ASNS: variants seen among roughly 807,000 people sequenced by gnomAD.
ASNS encodes asparagine synthetase (glutamine-hydrolyzing), also known as asparagine synthetase [glutamine-hydrolyzing].
A neutral mutation model predicts 62.6 loss-of-function variants in ASNS; 37 were observed. The ratio of observed to expected loss-of-function variants is 0.59; its 90% CI spans 0.45 to 0.78. The LOEUF (loss-of-function observed/expected upper bound fraction) is 0.78. Among genes scored for constraint, ASNS ranks in the 30% least tolerant of loss-of-function variants. ASNS has a pLI of 0.00. For synonymous variants in ASNS, 207 were observed against 237.9 expected (o/e 0.87, Z 1.19); for missense variants, 520 against 682.4 (o/e 0.76, Z 2.65).
chr7:97,884,136 G>T, the ASNS span, among the ~76,000 whole-genome samples: 1 of 152,280 alleles, frequency 6.6e-6, no homozygotes, highest in South Asian at 2.1e-4. Flanking sequence ...GACCACTCGT[G>T]TGAAGTTTCC....
In ASNS at chr7:97,853,353, T is replaced by C. The variant is rs368289673; in HGVS notation, c.1272A>G (p.Arg424=). The C allele has an allele frequency of 1.9e-5, 31 of 1,612,880 alleles. No individual in the cohort carries two copies. Among genetic ancestry groups the C allele is most frequent in the Non-Finnish European group, 2.5e-5 (30 of 1,179,914 alleles). ...LELRVPFLDH[R]FSSYYLSLPP... ...GCAGAGACAAGTAATAGGAAGAAAATCGATGATCTAGAAATGGGACTCTCA... is the reference window on the plus strand; with the variant it reads ...GCAGAGACAAGTAATAGGAAGAAAACCGATGATCTAGAAATGGGACTCTCA... The change falls in exon 11 of 13, where the codon CGA becomes CGG. Residue 424 remains arginine (R), a synonymous_variant. Coordinates refer to ENST00000394308, the MANE Select transcript of ASNS (RefSeq NM_001673.5).
At chr7:97,920,431 C>G in the ASNS span, among the ~76,000 whole-genome samples, 12 of 152,142 alleles carry the variant, frequency 7.9e-5, no homozygotes, top group African/African-American at 2.9e-4. Context: ...GCTCCTGCCC[C>G]GGGGCTCTGA....
intron 4 of ASNS, among the ~76,000 whole-genome samples, chr7:97,862,178 A>T (rs929596793): frequency 3.2e-4 from 49 of 152,212 alleles, no homozygotes; most frequent in African/African-American, 1.1e-3. Flanking sequence ...CAAATGGAAT[A>T]TTATTCAGCA....
the ASNS span, among the ~76,000 whole-genome samples, chr7:97,923,466 AG>A: frequency 6.6e-6 from 1 of 152,108 alleles, no homozygotes; most frequent in African/African-American, 2.4e-5. Flanking sequence ...CTGCATTCCC[AG>A]CTACTTGGGA....
the ASNS span, among the ~76,000 whole-genome samples, chr7:97,910,528 C>G: frequency 6.6e-6 from 1 of 152,036 alleles, no homozygotes; most frequent in East Asian, 1.9e-4. Context: ...CCCTCCTCCC[C>G]ACAGGAGGGG....
the ASNS span, among the ~76,000 whole-genome samples, chr7:97,924,927 A>G: frequency 2.3e-4 from 35 of 152,340 alleles, no homozygotes; most frequent in Non-Finnish European, 4.1e-4. Flanking sequence ...ACCTTAGGTC[A>G]GGAGTTTGAG....
chr7:97,856,858 T>C (rs764098862), intron 7 of ASNS, 42 bp from the exon 8 acceptor site: 10 of 1,531,514 alleles, frequency 6.5e-6, no homozygotes, highest in Middle Eastern at 3.5e-4. Context: ...TTAAAGAAAA[T>C]AACTTCCCTT....
chr7:97,927,604 G>A, the ASNS span, among the ~76,000 whole-genome samples: 1 of 152,274 alleles, frequency 6.6e-6, no homozygotes, highest in East Asian at 1.9e-4. Flanking sequence ...CCACGTAAAA[G>A]AAGGAGGTAG....
chr7:97,902,544 C>G, the ASNS span, among the ~76,000 whole-genome samples: 1 of 150,518 alleles, frequency 6.6e-6, no homozygotes, highest in Admixed American at 6.6e-5. Context: ...AGACACTCCT[C>G]TCTACAAAAA....
chr7:97,899,123 T>C, the ASNS span: 4 of 407,508 alleles, frequency 9.8e-6, no homozygotes, highest in African/African-American at 8.2e-5. Context: ...ACTGCCATGG[T>C]GCTGCTCGGA....
chr7:97,852,184 T>C lies in ASNS; in HGVS notation c.*75A>G. On this transcript the variant is annotated 3_prime_UTR_variant, in exon 13 of 13. Coordinates refer to ENST00000394308, the MANE Select transcript of ASNS (RefSeq NM_001673.5). ...CCAAGTTAGCCTGAGTTGACTCTCATTGTTCCCCTATCTACCCACAGTCCC... is the reference window on the plus strand; with the variant it reads ...CCAAGTTAGCCTGAGTTGACTCTCACTGTTCCCCTATCTACCCACAGTCCC... 10 of 1,516,832 alleles carry C rather than the reference T, an allele frequency of 6.6e-6. No homozygotes were observed. Among genetic ancestry groups the C allele is most frequent in the Non-Finnish European group, 9.0e-6 (10 of 1,109,662 alleles). The allele number at this position is 1,516,832 out of a possible 1,614,324, so 94.0% of individuals were successfully genotyped here. A position where few individuals can be genotyped will look rare whatever the true frequency, so the allele number is the denominator to read the frequency against.
chr7:97,865,260 C>T (rs1334417237), intron 3 of ASNS, among the ~76,000 whole-genome samples: 1 of 152,184 alleles, frequency 6.6e-6, no homozygotes, highest in Non-Finnish European at 1.5e-5. Flanking sequence ...AGCTGTTAAA[C>T]AGCTGTACAA....
chr7:97,927,543 A>T, the ASNS span, among the ~76,000 whole-genome samples: 1 of 152,276 alleles, frequency 6.6e-6, no homozygotes, highest in African/African-American at 2.4e-5. Context: ...CCAAGGTCCC[A>T]CTACGTTTGG....
chr7:97,880,454 A>G, the ASNS span, among the ~76,000 whole-genome samples: 1 of 152,204 alleles, frequency 6.6e-6, no homozygotes, highest in Non-Finnish European at 1.5e-5. Flanking sequence ...CATGTGAAAC[A>G]GCCCAGTGGT....
intron 3 of ASNS, among the ~76,000 whole-genome samples, chr7:97,865,930 C>T (rs1261135308): frequency 2.0e-5 from 3 of 152,160 alleles, no homozygotes; most frequent in Admixed American, 6.5e-5. Context: ...CCCTAGGGAA[C>T]GCCAAATAAA....
chr7:97,860,938 ATTTAC>A (rs1024748174), intron 4 of ASNS, among the ~76,000 whole-genome samples: 2 of 150,262 alleles, frequency 1.3e-5, no homozygotes, highest in African/African-American at 4.9e-5. Flanking sequence ...GGTCATGACA[ATTTAC>A]TTCTATGTTT....
chr7:97,902,882 T>A, the ASNS span, among the ~76,000 whole-genome samples: 13 of 152,202 alleles, frequency 8.5e-5, no homozygotes, highest in Admixed American at 7.2e-4. Context: ...TCACCTGACA[T>A]TGTACTTTAT....
chr7:97,893,784 C>T, the ASNS span, among the ~76,000 whole-genome samples: 5 of 152,176 alleles, frequency 3.3e-5, no homozygotes, highest in Non-Finnish European at 1.5e-5. Flanking sequence ...TAGTTGAGAA[C>T]TTCAATATCC....
chr7:97,893,101 G>A, the ASNS span, among the ~76,000 whole-genome samples: 1 of 152,384 alleles, frequency 6.6e-6, no homozygotes, highest in East Asian at 1.9e-4. Context: ...GGAAGTCAAG[G>A]AGAGGCAAGT....
Sources: gnomAD v4.1 joint callset for allele counts (sites outside exome capture counted in the v4.1 genomes callset) on GRCh38, gnomAD v4.1.1 for gene constraint, MANE v1.5 for transcripts, NCBI Gene and HGNC (gene_info 2026-07-23, HGNC 2026-07-21) for gene names.